PTPRO: variants seen among roughly 807,000 people sequenced by gnomAD.
The protein encoded by PTPRO is protein tyrosine phosphatase receptor type O, also known as receptor-type tyrosine-protein phosphatase O.
A neutral mutation model predicts 145.2 loss-of-function variants in PTPRO; 62 were observed. That is an observed-to-expected ratio of 0.43 (90% CI 0.35 to 0.53). The LOEUF (loss-of-function observed/expected upper bound fraction) is 0.53. Among genes scored for constraint, PTPRO ranks in the 20% least tolerant of loss-of-function variants. PTPRO has a pLI of 0.01. For missense variants in PTPRO, 1,345 were observed against 1,482.7 expected, an observed-to-expected ratio of 0.91 and a Z score of 1.53; for synonymous variants, 565 against 514.7, an observed-to-expected ratio of 1.10 and a Z score of -1.32.
chr12:15,585,669 G>A (rs975121143), intron 23 of PTPRO, among the ~76,000 whole-genome samples: 1 of 152,138 alleles, frequency 6.6e-6, no homozygotes, highest in East Asian at 1.9e-4. Context: ...CTGACAGCGA[G>A]GCCAAGCTTC....
At chr12:15,344,970 TC>T (rs1462622703) in intron 1 of PTPRO, among the ~76,000 whole-genome samples, 2 of 152,212 alleles carry the variant, frequency 1.3e-5, no homozygotes, top group Non-Finnish European at 2.9e-5. Context: ...AATTAAGTGA[TC>T]CCAGCTGAAT....
chr12:15,500,431 A>T (rs1942196758), intron 4 of PTPRO, among the ~76,000 whole-genome samples: 1 of 152,222 alleles, frequency 6.6e-6, no homozygotes, highest in South Asian at 2.1e-4. Context: ...AAAAACATTA[A>T]TTGAGCACCT....
chr12:15,390,498 G>A (rs995607208), intron 1 of PTPRO, among the ~76,000 whole-genome samples: 1 of 152,074 alleles, frequency 6.6e-6, no homozygotes, highest in East Asian at 1.9e-4. Context: ...CACGAGAATA[G>A]CATGGGAAAG....
intron 1 of PTPRO, among the ~76,000 whole-genome samples, chr12:15,427,162 C>T (rs777774030): frequency 4.6e-4 from 70 of 152,116 alleles, no homozygotes; most frequent in Non-Finnish European, 8.4e-4. Flanking sequence ...AGAATTAGGC[C>T]ATTCCTTTTT....
chr12:15,475,910 CT>C (rs1202712809), intron 1 of PTPRO, among the ~76,000 whole-genome samples: 1 of 152,086 alleles, frequency 6.6e-6, no homozygotes, highest in East Asian at 1.9e-4. Context: ...CTTTCTTTTC[CT>C]CGTACCCAAG....
intron 1 of PTPRO, among the ~76,000 whole-genome samples, chr12:15,469,851 A>G (rs1339430716): frequency 6.6e-6 from 1 of 151,352 alleles, no homozygotes; most frequent in African/African-American, 2.4e-5. Context: ...CAAATTTTGT[A>G]GAAACATTAG....
chr12:15,435,473 A>G (rs1381703654), intron 1 of PTPRO, among the ~76,000 whole-genome samples: 2 of 152,152 alleles, frequency 1.3e-5, no homozygotes, highest in Non-Finnish European at 2.9e-5. Context: ...GCTGCTTTGC[A>G]CTGTATTGAA....
chr12:15,495,292 G>A (rs1942077650), intron 2 of PTPRO, among the ~76,000 whole-genome samples: 1 of 150,828 alleles, frequency 6.6e-6, no homozygotes, highest in Non-Finnish European at 1.5e-5. Flanking sequence ...TGAACATGTA[G>A]CTTCAATTAT....
At position 15,393,583 on chromosome 12, in the gene PTPRO, TA is replaced by T; in HGVS notation, c.75+70784del. On this transcript the variant is annotated intron_variant, in intron 1 of 26. Coordinates refer to ENST00000281171, the MANE Select transcript of PTPRO (RefSeq NM_030667.3). ...CAGGAATTATTTTTCAAATGTTCCA[TA>T]ATTCTCTGTTATAGAATGAATGGCC... is the stretch of plus-strand genomic sequence containing the variant. 1.3e-5 allele frequency among the ~76,000 whole-genome samples: 2 copies of T among 152,156 alleles called. 1 individual carries two copies. The highest frequency in any genetic ancestry group is 2.9e-5 in the Non-Finnish European group (2 of 68,022).
intron 1 of PTPRO, among the ~76,000 whole-genome samples, chr12:15,409,456 G>T (rs1233384615): frequency 6.6e-6 from 1 of 152,152 alleles, no homozygotes. Context: ...GAGTTTTAAA[G>T]TAGTGACAAC....
At chr12:15,324,963 C>A (rs1866406036) in intron 1 of PTPRO, among the ~76,000 whole-genome samples, 1 of 152,086 alleles carries the variant, frequency 6.6e-6, no homozygotes, top group East Asian at 1.9e-4. Flanking sequence ...GCCAGTAAAA[C>A]AGATCTACTC....
chr12:15,431,107 G>A (rs1940423924), intron 1 of PTPRO, among the ~76,000 whole-genome samples: 2 of 152,212 alleles, frequency 1.3e-5, no homozygotes, highest in South Asian at 4.1e-4. Context: ...AGCAAGGGTA[G>A]CATAGGGGCT....
chr12:15,485,847 G>C (rs565081299), intron 2 of PTPRO, among the ~76,000 whole-genome samples: 6 of 152,280 alleles, frequency 3.9e-5, no homozygotes, highest in African/African-American at 1.4e-4. Context: ...GCTTACAAGT[G>C]TGTTGAATAT....
intron 2 of PTPRO, among the ~76,000 whole-genome samples, chr12:15,490,781 A>G (rs949045747): frequency 6.6e-6 from 1 of 152,232 alleles, no homozygotes. Flanking sequence ...TCAAGGTGTC[A>G]GAAGTGAAGG....
chr12:15,562,739 A>G (rs895770625), intron 17 of PTPRO, among the ~76,000 whole-genome samples: 3 of 111,390 alleles, frequency 2.7e-5, no homozygotes, highest in East Asian at 3.2e-4. Flanking sequence ...TCAGTGTTAA[A>G]TCTTTTTTTT....
chr12:15,369,225 T>C (rs1325981019), intron 1 of PTPRO, among the ~76,000 whole-genome samples: 4 of 152,214 alleles, frequency 2.6e-5, no homozygotes, highest in Non-Finnish European at 5.9e-5. Flanking sequence ...AGGAACGATT[T>C]CTTTGAGTTA....
At chr12:15,547,832 A>G (rs1943334852) in intron 13 of PTPRO, among the ~76,000 whole-genome samples, 1 of 152,182 alleles carries the variant, frequency 6.6e-6, no homozygotes, top group Non-Finnish European at 1.5e-5. Flanking sequence ...AAGGAAGTGG[A>G]AGAAAATGCT....
intron 12 of PTPRO, 151 bp from the exon 13 acceptor site, chr12:15,546,418 G>T (rs1237973740): frequency 6.9e-7 from 1 of 1,455,522 alleles, no homozygotes; most frequent in African/African-American, 1.4e-5. Flanking sequence ...CTATCTTTAT[G>T]AAAGGACATA....
At chr12:15,367,908 G>A (rs73308752) in intron 1 of PTPRO, among the ~76,000 whole-genome samples, 29,913 of 152,092 alleles carry the variant, frequency 0.2, 7,369 homozygotes, top group African/African-American at 0.58. Context: ...GGGAGTCATA[G>A]CTCTACTCTG....
Sources: allele counts gnomAD v4.1 joint callset (sites outside exome capture counted in the v4.1 genomes callset), GRCh38; gene constraint gnomAD v4.1.1; transcripts MANE v1.5; gene names NCBI Gene and HGNC (gene_info 2026-07-23, HGNC 2026-07-21).